EIF3J: variants seen among roughly 807,000 people sequenced by gnomAD.
EIF3J encodes eukaryotic translation initiation factor 3, subunit 1 (alpha, 35kD).
EIF3J carries 15 observed loss-of-function variants against 39.0 expected under a neutral mutation model. The observed-to-expected ratio is 0.38, with a 90% CI of 0.26 to 0.59. The LOEUF is 0.59. Among genes scored for constraint, EIF3J ranks in the 20% least tolerant of loss-of-function variants. The pLI, the probability that EIF3J is intolerant of heterozygous loss-of-function variation, is 0.60. For synonymous variants in EIF3J, 98 were observed against 112.9 expected, an observed-to-expected ratio of 0.87 and a Z score of 0.84; for missense variants, 226 against 308.6, an observed-to-expected ratio of 0.73 and a Z score of 2.00.
intron 6 of EIF3J, chr15:44,558,989 C>A (rs1004336456): frequency 6.6e-6 from 1 of 152,098 alleles, no homozygotes; most frequent in East Asian, 1.9e-4. Context: ...ATAATGCTGT[C>A]CACTGAACAG....
rs115341685 is a variant in EIF3J at position 44,542,018 on chromosome 15, T to G, written c.147+4591T>G. On this transcript the variant is annotated intron_variant, in intron 2 of 7. Coordinates refer to ENST00000261868, the MANE Select transcript of EIF3J (RefSeq NM_003758.4). The stretch of plus-strand genomic sequence containing the variant: ...ACTTGTTTAGTGTTCAGTGTCTTGA[T>G]ATCGCTGAGCCAGAAATTTAAAGTA... Among the ~76,000 whole-genome samples, 596 of 152,350 alleles carry G rather than the reference T, an allele frequency of 3.9e-3. 6 individuals are homozygous for G. Among genetic ancestry groups the G allele is most frequent in the African/African-American group, 0.014 (571 of 41,582 alleles).
At chr15:44,550,741 C>T (rs183088742) in intron 2 of EIF3J, 135 bp from the exon 3 acceptor site, 3 of 616,996 alleles carry the variant, frequency 4.9e-6, no homozygotes, top group Non-Finnish European at 5.8e-6. Flanking sequence ...TCAATTCCCC[C>T]TACATTAATT....
chr15:44,538,901 G>T (rs954929797), intron 2 of EIF3J, among the ~76,000 whole-genome samples: 2 of 152,138 alleles, frequency 1.3e-5, no homozygotes, highest in East Asian at 3.8e-4. Flanking sequence ...GCAGAGAAAA[G>T]ATTAGAGATA....
At chr15:44,556,147 T>A (rs1287164170) in intron 5 of EIF3J, among the ~76,000 whole-genome samples, 1 of 152,174 alleles carries the variant, frequency 6.6e-6, no homozygotes, top group Admixed American at 6.5e-5. Flanking sequence ...ATTACAGGCA[T>A]GAGCCACCAT....
At chr15:44,549,272 T>G (rs1021003118) in intron 2 of EIF3J, among the ~76,000 whole-genome samples, 2 of 151,522 alleles carry the variant, frequency 1.3e-5, no homozygotes, top group East Asian at 3.9e-4. Flanking sequence ...GCATGTCTAA[T>G]CCCAGCTGCT....
chr15:44,556,968 T>C (rs1450089216), intron 5 of EIF3J, among the ~76,000 whole-genome samples: 2 of 152,190 alleles, frequency 1.3e-5, no homozygotes, highest in East Asian at 3.8e-4. Context: ...CTGGCCTTGA[T>C]ATATTGTTTT....
intron 4 of EIF3J, among the ~76,000 whole-genome samples, chr15:44,553,962 A>T (rs965930785): frequency 2.0e-5 from 3 of 152,230 alleles, no homozygotes; most frequent in Non-Finnish European, 4.4e-5. Context: ...AAAAGGTTAT[A>T]GAAGTAACCC....
intron 3 of EIF3J, 96 bp downstream of exon 3, chr15:44,551,026 C>T: frequency 2.7e-6 from 4 of 1,485,318 alleles, no homozygotes; most frequent in Non-Finnish European, 3.6e-6. Context: ...CAAAATGGAA[C>T]ATTTTGGTAT....
At chr15:44,554,525 C>T (rs754694847) in intron 4 of EIF3J, 28 bp from the exon 5 acceptor site, 1 of 1,497,220 alleles carries the variant, frequency 6.7e-7, no homozygotes, top group Admixed American at 1.8e-5. Flanking sequence ...AATCCCTGTG[C>T]TTTTTAAAAA....
rs575337074 is a variant in EIF3J at position 44,537,175 on chromosome 15, A to G, written c.-20A>G. On this transcript the variant is annotated 5_prime_UTR_variant, in exon 1 of 8. Transcript: ENST00000261868. Reference sequence around the variant, plus strand: ...TCCTCGCTAGCTCTCCCTCTCACACACGCTCACACCCGGCTCGAGATGGCG... The same window carrying G: ...TCCTCGCTAGCTCTCCCTCTCACACGCGCTCACACCCGGCTCGAGATGGCG... The G allele has an allele frequency of 1.2e-6, 2 of 1,608,670 alleles. No homozygotes were observed. The highest frequency in any genetic ancestry group is 1.3e-5 in the African/African-American group (1 of 74,326).
rs2082093335 is a variant in EIF3J, at chr15:44,550,900, G to GA, written c.180dup (p.Glu61ArgfsTer36). On this transcript the variant is annotated frameshift_variant, in exon 3 of 8. Coordinates refer to ENST00000261868, the MANE Select transcript of EIF3J (RefSeq NM_003758.4). LOFTEE classifies it high-confidence loss of function. ...GGATAACTGGGATGACGATGATGAT[G>GA]AAAAAAAAGAGGAAGCAGAAGTAAA... 1.0e-5 allele frequency: 16 copies of GA among 1,606,336 alleles called. No individual in the cohort carries two copies. Among genetic ancestry groups the GA allele is most frequent in the South Asian group, 3.3e-5 (3 of 89,940 alleles).
intron 4 of EIF3J, among the ~76,000 whole-genome samples, chr15:44,554,345 C>A (rs935823007): frequency 6.8e-6 from 1 of 147,074 alleles, no homozygotes. Flanking sequence ...CCACTGTGCT[C>A]CAGCCTTGGT....
chr15:44,543,393 C>G (rs1199429346), intron 2 of EIF3J, among the ~76,000 whole-genome samples: 1 of 148,518 alleles, frequency 6.7e-6, no homozygotes, highest in East Asian at 2.0e-4. Flanking sequence ...CATGGCTCTT[C>G]TTGGTACATG....
At chr15:44,541,788 TAGAG>T (rs1183824321) in intron 2 of EIF3J, among the ~76,000 whole-genome samples, 3 of 152,112 alleles carry the variant, frequency 2.0e-5, no homozygotes, top group Admixed American at 1.3e-4. Context: ...AAACATGCAG[TAGAG>T]AGAAACATTT....
At chr15:44,560,577 A>G (rs1035981816) in intron 7 of EIF3J, 14 of 436,896 alleles carry the variant, frequency 3.2e-5, no homozygotes, top group African/African-American at 2.6e-4. Context: ...CTTAATAGGT[A>G]TAGGTAAATC....
rs928861757 is a variant in EIF3J, at chr15:44,560,299, A to T, written c.622A>T (p.Ser208Cys). Residue 208 changes from serine to cysteine, a missense_variant, in exon 7 of 8, where the codon AGT becomes TGT. Physicochemically the swap from Ser to Cys is moderately radical, Grantham distance 112 (BLOSUM62 -1). This residue lies in a region of EIF3J where 83 missense variants were observed against 152.6 expected (regional missense o/e 0.54). Transcript: ENST00000261868. ...TACCAATTCACTGACTGTGCTTTGC[A>T]GTGAAAAACAGAAGCAAGAAAAGGT... is the stretch of plus-strand genomic sequence containing the variant. ...KITNSLTVLC[S>C]EKQKQEKQSK... 3 of 1,612,798 alleles carry T rather than the reference A, an allele frequency of 1.9e-6. No homozygotes were observed. The Admixed American group carries it at 5.0e-5, about 27-fold the overall frequency.
At chr15:44,539,002 G>T (rs1312702744) in intron 2 of EIF3J, among the ~76,000 whole-genome samples, 1 of 151,786 alleles carries the variant, frequency 6.6e-6, no homozygotes, top group Non-Finnish European at 1.5e-5. Flanking sequence ...GATCTAAATG[G>T]TATCGATCTT....
chr15:44,543,926 G>A (rs2082031859), intron 2 of EIF3J, among the ~76,000 whole-genome samples: 1 of 151,928 alleles, frequency 6.6e-6, no homozygotes, highest in Non-Finnish European at 1.5e-5. Flanking sequence ...TCTGGGAAGG[G>A]TAACTGAAGA....
chr15:44,539,604 G>A (rs913232434), intron 2 of EIF3J, among the ~76,000 whole-genome samples: 3 of 151,226 alleles, frequency 2.0e-5, no homozygotes, highest in Non-Finnish European at 4.4e-5. Context: ...GTTTCACCGT[G>A]TTAGCCAGGA....
Sources: gnomAD v4.1 joint callset for allele counts (sites outside exome capture counted in the v4.1 genomes callset) on GRCh38, gnomAD v4.1.1 for gene constraint, gnomAD v4.1.1 regional missense constraint, MANE v1.5 for transcripts, NCBI Gene and HGNC (gene_info 2026-07-23, HGNC 2026-07-21) for gene names.